The following ASIP variants were observed in gnomAD, a reference collection of about 807,000 sequenced individuals.
The protein encoded by ASIP is agouti-signaling protein.
A neutral mutation model predicts 10.3 loss-of-function variants in ASIP; 11 were observed. That is an observed-to-expected ratio of 1.07 (90% CI 0.68 to 1.78). The LOEUF is 1.78. Among genes scored for constraint, ASIP ranks in the 40% most tolerant of loss-of-function variants. The pLI is 0.00. For synonymous variants in ASIP, 70 were observed against 70.8 expected (o/e 0.99, Z 0.06); for missense variants, 180 against 169.2 (o/e 1.06, Z -0.35).
intron 1 of ASIP, among the ~76,000 whole-genome samples, chr20:34,242,314 C>A (rs1333933526): frequency 2.6e-5 from 4 of 152,084 alleles, no homozygotes; most frequent in Non-Finnish European, 5.9e-5. Context: ...CTCACTGCAA[C>A]CTCTGCCTCC....
intron 1 of ASIP, among the ~76,000 whole-genome samples, chr20:34,216,268 G>A (rs1188062357): frequency 6.6e-6 from 1 of 152,164 alleles, no homozygotes; most frequent in Non-Finnish European, 1.5e-5. Context: ...CGCCGCCGTC[G>A]CCGCTGAGTC....
At chr20:34,201,013 CTTCCTTCTTTCTTTCT>C (rs1415382369) in intron 1 of ASIP, among the ~76,000 whole-genome samples, 67 of 55,296 alleles carry the variant, frequency 1.2e-3, no homozygotes, top group African/African-American at 1.8e-3. Context: ...TCCTTCCTTC[CTTCCTTCTTTCTTTCT>C]TTCTTTCTTT....
chr20:34,217,610 G>A (rs1224805560), intron 1 of ASIP, among the ~76,000 whole-genome samples: 1 of 151,896 alleles, frequency 6.6e-6, no homozygotes, highest in Non-Finnish European at 1.5e-5. Context: ...TGCCCAGGCT[G>A]GAGTGCAGTG....
chr20:34,200,969 T>TTTCCTTCCTTCCTTCCTTCC (rs1179933802), intron 1 of ASIP, among the ~76,000 whole-genome samples: 73 of 72,914 alleles, frequency 1.0e-3, no homozygotes, highest in Middle Eastern at 7.2e-3. Context: ...TCTTTCTTTC[T>TTTCCTTCCTTCCTTCCTTCC]TTCCTTCCTT....
intron 1 of ASIP, among the ~76,000 whole-genome samples, chr20:34,220,089 T>TA (rs555088035): frequency 4.2e-4 from 60 of 143,536 alleles, no homozygotes; most frequent in South Asian, 6.7e-4. Context: ...GACTCCATCT[T>TA]AAAAAAAAAA....
At chr20:34,187,079 AT>A in the ASIP span, among the ~76,000 whole-genome samples, 3 of 152,100 alleles carry the variant, frequency 2.0e-5, no homozygotes, top group Non-Finnish European at 4.4e-5. Context: ...TAACTTCCTG[AT>A]TATGTTTAAC....
intron 1 of ASIP, among the ~76,000 whole-genome samples, chr20:34,223,977 G>C (rs1421541100): frequency 1.8e-5 from 2 of 114,004 alleles, no homozygotes. Context: ...AATGGATTAA[G>C]GGCGGTGCAA....
intron 1 of ASIP, among the ~76,000 whole-genome samples, chr20:34,204,450 C>T (rs1334476413): frequency 1.3e-5 from 2 of 152,064 alleles, no homozygotes; most frequent in Non-Finnish European, 2.9e-5. Flanking sequence ...AACTCCTGAC[C>T]TCAGGTGATC....
intron 3 of ASIP, among the ~76,000 whole-genome samples, chr20:34,268,785 C>G (rs2035834248): frequency 6.6e-6 from 1 of 151,452 alleles, no homozygotes; most frequent in Non-Finnish European, 1.5e-5. Context: ...AGGGAGAAGA[C>G]GACCAGGGCC....
chr20:34,244,708 G>A (rs1327880557), intron 1 of ASIP, among the ~76,000 whole-genome samples: 1 of 152,142 alleles, frequency 6.6e-6, no homozygotes, highest in African/African-American at 2.4e-5. Context: ...TCAAAGAAGT[G>A]GCTTACTGTT....
chr20:34,224,268 C>T, intron 1 of ASIP, among the ~76,000 whole-genome samples: 1 of 151,168 alleles, frequency 6.6e-6, no homozygotes, highest in Non-Finnish European at 1.5e-5. Flanking sequence ...TTTAGAAATA[C>T]TTAGGGAAAG....
At chr20:34,195,568 A>G (rs2034850101) in intron 1 of ASIP, among the ~76,000 whole-genome samples, 1 of 152,190 alleles carries the variant, frequency 6.6e-6, no homozygotes, top group African/African-American at 2.4e-5. Context: ...TGGGCCCATT[A>G]CAGCCCTTTG....
the ASIP span, among the ~76,000 whole-genome samples, chr20:34,187,538 G>C: frequency 1.3e-5 from 2 of 152,166 alleles, no homozygotes; most frequent in Non-Finnish European, 2.9e-5. Context: ...CGGTGTTTTC[G>C]TCTTTCTCTT....
chr20:34,268,297 G>A (rs889213880), intron 3 of ASIP, among the ~76,000 whole-genome samples: 1 of 152,192 alleles, frequency 6.6e-6, no homozygotes, highest in Non-Finnish European at 1.5e-5. Context: ...CTGGGTTCCT[G>A]CAGCAGGAAC....
chr20:34,190,636 G>A (rs2034819160), upstream of ASIP, among the ~76,000 whole-genome samples: 1 of 151,954 alleles, frequency 6.6e-6, no homozygotes, highest in African/African-American at 2.4e-5. Flanking sequence ...TCCTCACTAA[G>A]GCTTCCTCTT....
At chr20:34,213,503 C>T (rs770930018) in intron 1 of ASIP, 4 of 1,447,474 alleles carry the variant, frequency 2.8e-6, no homozygotes, top group Non-Finnish European at 2.8e-6. Context: ...GTCTCTAAAG[C>T]AGCAGACTGG....
At chr20:34,250,628 T>C (rs1425592332) in intron 1 of ASIP, among the ~76,000 whole-genome samples, 1 of 152,158 alleles carries the variant, frequency 6.6e-6, no homozygotes, top group Non-Finnish European at 1.5e-5. Flanking sequence ...TGAAACCCGA[T>C]CTCTACTAAA....
At chr20:34,268,776 G>A (rs561462522) in intron 3 of ASIP, among the ~76,000 whole-genome samples, 32 of 151,964 alleles carry the variant, frequency 2.1e-4, no homozygotes, top group African/African-American at 7.2e-4. Flanking sequence ...ACACAAACTA[G>A]GGAGAAGACG....
intron 1 of ASIP, among the ~76,000 whole-genome samples, chr20:34,222,683 T>G (rs1450885174): frequency 1.3e-5 from 2 of 151,602 alleles, no homozygotes; most frequent in African/African-American, 2.4e-5. Flanking sequence ...CTCCCTCTCA[T>G]GCGGAGCTGA....
Sources: allele counts gnomAD v4.1 joint callset (sites outside exome capture counted in the v4.1 genomes callset), GRCh38; gene constraint gnomAD v4.1.1; transcripts MANE v1.5; gene names NCBI Gene and HGNC (gene_info 2026-07-23, HGNC 2026-07-21).